The following DPYD variants were observed in gnomAD, a reference collection of about 807,000 sequenced individuals.
DPYD encodes dihydropyrimidine dehydrogenase, also known as dihydropyrimidine dehydrogenase [NADP(+)].
A neutral mutation model predicts 116.2 loss-of-function variants in DPYD; 109 were observed. The ratio of observed to expected loss-of-function variants is 0.94; its 90% CI spans 0.80 to 1.10. The LOEUF (loss-of-function observed/expected upper bound fraction) is 1.10. DPYD is among the 50% of genes least tolerant of loss of function. The pLI, the probability that DPYD is intolerant of heterozygous loss-of-function variation, is 0.00. For synonymous variants in DPYD, 440 were observed against 432.0 expected (o/e 1.02, Z -0.23); for missense variants, 1,302 against 1,254.5 (o/e 1.04, Z -0.57).
At chr1:97,191,235 AG>A (rs573329733) in intron 20 of DPYD, among the ~76,000 whole-genome samples, 73 of 152,212 alleles carry the variant, frequency 4.8e-4, no homozygotes, top group African/African-American at 1.7e-3. Context: ...ACCAAAAAAA[AG>A]AACGATTAGG....
intron 14 of DPYD, among the ~76,000 whole-genome samples, chr1:97,384,489 A>C (rs6682855): frequency 0.026 from 4,015 of 152,264 alleles, 175 homozygotes; most frequent in African/African-American, 0.092. Context: ...AGACTGAAAG[A>C]ATAAATGAAT....
intron 13 of DPYD, among the ~76,000 whole-genome samples, chr1:97,474,470 T>A (rs1337988738): frequency 1.3e-5 from 2 of 151,948 alleles, no homozygotes; most frequent in African/African-American, 4.8e-5. Flanking sequence ...ATATTTAAAA[T>A]CCTTTGAAAA....
chr1:97,519,190 A>G lies in DPYD; in HGVS notation c.1525-3249T>C, dbSNP rs544106893. Among the ~76,000 whole-genome samples the G allele has an allele frequency of 2.6e-5, 4 of 152,292 alleles. No individual in the cohort carries two copies. In the East Asian group the frequency reaches 7.7e-4, roughly 29 times the overall value. On this transcript the variant is annotated intron_variant, in intron 12 of 22. Coordinates refer to ENST00000370192, the MANE Select transcript of DPYD (RefSeq NM_000110.4). ...TTAAAGACATGCTCAAAACTGGGCA[A>G]TTTACAAAGGAAAGAGGTTTAACTG... is the stretch of plus-strand genomic sequence containing the variant.
intron 4 of DPYD, among the ~76,000 whole-genome samples, chr1:97,725,680 A>C (rs901288834): frequency 6.6e-6 from 1 of 151,526 alleles, no homozygotes; most frequent in African/African-American, 2.4e-5. Flanking sequence ...AAGGTTTCTA[A>C]GGCAATTCAA....
At chr1:97,657,758 A>G (rs1305292630) in intron 8 of DPYD, among the ~76,000 whole-genome samples, 3 of 152,218 alleles carry the variant, frequency 2.0e-5, no homozygotes, top group Non-Finnish European at 2.9e-5. Flanking sequence ...TGATAATTCA[A>G]CATCAATAAC....
chr1:97,845,528 T>C (rs2101547767), intron 2 of DPYD, among the ~76,000 whole-genome samples: 1 of 152,174 alleles, frequency 6.6e-6, no homozygotes, highest in East Asian at 1.9e-4. Context: ...GTCTCTCGAG[T>C]ACTGTTCTGT....
At chr1:97,117,701 C>A (rs1392464616) in intron 20 of DPYD, among the ~76,000 whole-genome samples, 10 of 152,094 alleles carry the variant, frequency 6.6e-5, no homozygotes, top group Admixed American at 3.3e-4. Context: ...GTACTATTGT[C>A]AGGATTTAGT....
At chr1:97,839,490 G>A (rs1006699774) in intron 2 of DPYD, among the ~76,000 whole-genome samples, 1 of 151,964 alleles carries the variant, frequency 6.6e-6, no homozygotes, top group Non-Finnish European at 1.5e-5. Context: ...ACATCAGTCA[G>A]CAATTCTTTG....
At chr1:97,155,652 T>A (rs567928029) in intron 20 of DPYD, among the ~76,000 whole-genome samples, 1 of 152,322 alleles carries the variant, frequency 6.6e-6, no homozygotes, top group South Asian at 2.1e-4. Flanking sequence ...ATTTCACAGA[T>A]TCATATCTTA....
intron 19 of DPYD, among the ~76,000 whole-genome samples, chr1:97,226,653 G>A (rs557202596): frequency 1.1e-3 from 165 of 152,110 alleles, no homozygotes; most frequent in African/African-American, 3.5e-3. Context: ...AACACTTAGC[G>A]ATAAATTTAA....
chr1:97,506,820 C>T (rs761191538), intron 13 of DPYD, among the ~76,000 whole-genome samples: 92 of 152,040 alleles, frequency 6.1e-4, no homozygotes, highest in Non-Finnish European at 1.1e-3. Flanking sequence ...ACTTAATATT[C>T]GAAATACATG....
At chr1:97,686,615 C>T (rs1225217025) in intron 7 of DPYD, among the ~76,000 whole-genome samples, 21 of 108,158 alleles carry the variant, frequency 1.9e-4, no homozygotes, top group African/African-American at 2.2e-4. Context: ...CCAGCCTGGG[C>T]GACAGAGCGA....
intron 1 of DPYD, among the ~76,000 whole-genome samples, chr1:97,895,647 G>C (rs548564439): frequency 6.6e-6 from 1 of 151,754 alleles, no homozygotes; most frequent in East Asian, 1.9e-4. Flanking sequence ...TTTTTGAGAA[G>C]GATCAGAGTA....
At chr1:97,441,403 C>T (rs761237738) in intron 14 of DPYD, among the ~76,000 whole-genome samples, 3 of 151,692 alleles carry the variant, frequency 2.0e-5, no homozygotes, top group African/African-American at 2.4e-5. Context: ...TCTCTGTTTG[C>T]GTGTGTGTGT....
chr1:97,644,160 T>C (rs1010379215), intron 8 of DPYD, among the ~76,000 whole-genome samples: 2 of 152,166 alleles, frequency 1.3e-5, no homozygotes, highest in African/African-American at 4.8e-5. Flanking sequence ...AATGGTTTTC[T>C]ACACAGAAGT....
At chr1:97,870,393 C>T (rs776134802) in intron 2 of DPYD, among the ~76,000 whole-genome samples, 5 of 151,294 alleles carry the variant, frequency 3.3e-5, no homozygotes, top group South Asian at 2.1e-4. Context: ...GGATCTTTAT[C>T]GTGTTATATA....
chr1:97,741,680 A>G (rs761063674), intron 3 of DPYD, among the ~76,000 whole-genome samples: 1 of 152,144 alleles, frequency 6.6e-6, no homozygotes, highest in Non-Finnish European at 1.5e-5. Flanking sequence ...CTGGGATATG[A>G]GAATATAAAA....
At chr1:97,734,620 T>G (rs1271554143) in intron 4 of DPYD, among the ~76,000 whole-genome samples, 1 of 152,196 alleles carries the variant, frequency 6.6e-6, no homozygotes, top group Non-Finnish European at 1.5e-5. Flanking sequence ...TGAAAACTAA[T>G]TATCTGCCAT....
intron 3 of DPYD, among the ~76,000 whole-genome samples, chr1:97,784,768 T>G (rs902401702): frequency 1.2e-4 from 18 of 152,198 alleles, no homozygotes; most frequent in African/African-American, 4.3e-4. Flanking sequence ...CAATGTGACA[T>G]TGTCATGAGA....
Sources: gnomAD v4.1 joint callset for allele counts (sites outside exome capture counted in the v4.1 genomes callset) on GRCh38, gnomAD v4.1.1 for gene constraint, MANE v1.5 for transcripts, NCBI Gene and HGNC (gene_info 2026-07-23, HGNC 2026-07-21) for gene names.